Variants in ZNF385D observed in about 807,000 individuals in gnomAD.
ZNF385D encodes zinc finger protein 385D.
In ZNF385D, 15 loss-of-function variants were observed where a neutral mutation model predicts 35.8. The ratio of observed to expected loss-of-function variants is 0.42; its 90% CI spans 0.28 to 0.64. The LOEUF (loss-of-function observed/expected upper bound fraction) is 0.64, where lower values mean the gene tolerates loss of function less well. Ranked by LOEUF, ZNF385D falls within the 30% of genes least tolerant of loss-of-function variation. The probability of loss-of-function intolerance (pLI) is 0.23; values close to 1 mark genes in which losing one functional copy is unlikely to be tolerated. For missense variants in ZNF385D, 474 were observed against 494.6 expected (o/e 0.96, Z 0.39); for synonymous variants, 212 against 186.8 (o/e 1.13, Z -1.10).
intron 4 of ZNF385D, among the ~76,000 whole-genome samples, chr3:21,484,949 A>C (rs1704924734): frequency 6.6e-6 from 1 of 152,076 alleles, no homozygotes; most frequent in Non-Finnish European, 1.5e-5. Flanking sequence ...CAAACCAAAA[A>C]TGGGGAACTT....
At chr3:21,803,443 G>C (rs1022671690) in intron 3 of ZNF385D, among the ~76,000 whole-genome samples, 5 of 152,092 alleles carry the variant, frequency 3.3e-5, no homozygotes, top group Non-Finnish European at 7.4e-5. Context: ...TAAAATCAAA[G>C]TTTTAAATAA....
intron 3 of ZNF385D, among the ~76,000 whole-genome samples, chr3:22,001,079 G>T (rs1052557374): frequency 6.6e-6 from 1 of 151,806 alleles, no homozygotes; most frequent in Non-Finnish European, 1.5e-5. Flanking sequence ...GAGGAAAAAA[G>T]GAACAAAAGA....
At chr3:21,606,686 A>G (rs2064494336) in intron 2 of ZNF385D, among the ~76,000 whole-genome samples, 2 of 152,216 alleles carry the variant, frequency 1.3e-5, no homozygotes, top group Admixed American at 1.3e-4. Flanking sequence ...GGTTTGGATT[A>G]TAGGAAGCCA....
intron 3 of ZNF385D, among the ~76,000 whole-genome samples, chr3:22,133,219 A>T (rs923841412): frequency 5.9e-5 from 9 of 152,184 alleles, no homozygotes; most frequent in Non-Finnish European, 1.3e-4. Flanking sequence ...TTTGGGAAAT[A>T]CTTCGTATCT....
intron 3 of ZNF385D, among the ~76,000 whole-genome samples, chr3:22,137,930 C>G (rs1021802680): frequency 2.6e-5 from 4 of 152,234 alleles, no homozygotes; most frequent in African/African-American, 9.6e-5. Flanking sequence ...CCCATCGTCT[C>G]AGCCCAAAAT....
chr3:21,856,684 C>A (rs879347851), intron 3 of ZNF385D, among the ~76,000 whole-genome samples: 3 of 152,088 alleles, frequency 2.0e-5, no homozygotes, highest in Non-Finnish European at 2.9e-5. Context: ...AAGCCACCAT[C>A]ATCTCTTGCC....
intron 2 of ZNF385D, among the ~76,000 whole-genome samples, chr3:22,335,693 G>A (rs1210216443): frequency 6.6e-6 from 1 of 152,064 alleles, no homozygotes; most frequent in Non-Finnish European, 1.5e-5. Flanking sequence ...ATGTTTATGT[G>A]TGTCGAAGTA....
At chr3:22,099,143 C>G (rs897671055) in intron 3 of ZNF385D, among the ~76,000 whole-genome samples, 5 of 152,166 alleles carry the variant, frequency 3.3e-5, no homozygotes, top group African/African-American at 1.2e-4. Flanking sequence ...ATGAAAACAT[C>G]AATGTGACTA....
chr3:22,350,107 C>G (rs144921384), intron 2 of ZNF385D, among the ~76,000 whole-genome samples: 1 of 152,222 alleles, frequency 6.6e-6, no homozygotes, highest in African/African-American at 2.4e-5. Context: ...TCACAATGCT[C>G]AAAGCCTGGA....
intron 3 of ZNF385D, among the ~76,000 whole-genome samples, chr3:22,094,016 A>G (rs1701469382): frequency 6.6e-6 from 1 of 152,124 alleles, no homozygotes. Context: ...ATACCAATTT[A>G]ACGCTTTACA....
chr3:21,781,822 G>A (rs7647402), intron 3 of ZNF385D, among the ~76,000 whole-genome samples: 4,371 of 129,192 alleles, frequency 0.034, 190 homozygotes, highest in African/African-American at 0.11. Flanking sequence ...CTGGCCCATA[G>A]GTCAAGGTGA....
chr3:21,994,033 G>T (rs1045828558), intron 3 of ZNF385D, among the ~76,000 whole-genome samples: 4 of 152,110 alleles, frequency 2.6e-5, no homozygotes, highest in Admixed American at 1.3e-4. Flanking sequence ...ACCCTTCTAA[G>T]AATCATTTAG....
intron 5 of ZNF385D, among the ~76,000 whole-genome samples, chr3:21,431,443 A>C (rs2125218323): frequency 6.6e-6 from 1 of 152,314 alleles, no homozygotes; most frequent in East Asian, 1.9e-4. Context: ...TGATAAAAAT[A>C]TTCCATATCT....
At chr3:22,282,561 G>C (rs554527005) in intron 2 of ZNF385D, among the ~76,000 whole-genome samples, 1 of 152,082 alleles carries the variant, frequency 6.6e-6, no homozygotes, top group South Asian at 2.1e-4. Flanking sequence ...TTTTGGAGTT[G>C]ATTTCCAATT....
chr3:22,230,666 A>C (rs1452341640), intron 2 of ZNF385D, among the ~76,000 whole-genome samples: 1 of 152,212 alleles, frequency 6.6e-6, no homozygotes, highest in Non-Finnish European at 1.5e-5. Flanking sequence ...AAATGAGGGA[A>C]TCACTTAGAG....
chr3:22,032,239 C>G (rs1301051997), intron 3 of ZNF385D, among the ~76,000 whole-genome samples: 2 of 152,204 alleles, frequency 1.3e-5, no homozygotes, highest in East Asian at 3.8e-4. Flanking sequence ...TTACCCAGAT[C>G]CAAAGTGGCT....
At chr3:21,633,760 A>G (rs2065347419) in intron 2 of ZNF385D, among the ~76,000 whole-genome samples, 1 of 152,098 alleles carries the variant, frequency 6.6e-6, no homozygotes, top group South Asian at 2.1e-4. Context: ...AAAGAATAAA[A>G]CTGCCTATTT....
intron 3 of ZNF385D, among the ~76,000 whole-genome samples, chr3:21,517,040 C>G (rs190148182): frequency 1.3e-5 from 2 of 151,132 alleles, no homozygotes; most frequent in South Asian, 4.2e-4. Flanking sequence ...CAGATAAAAT[C>G]TAATATCCTA....
At chr3:21,556,104 T>C (rs866949117) in intron 3 of ZNF385D, among the ~76,000 whole-genome samples, 5 of 150,176 alleles carry the variant, frequency 3.3e-5, no homozygotes, top group Non-Finnish European at 7.4e-5. Flanking sequence ...TTAAGTTCTT[T>C]GTAGATTCTG....
Sources: allele counts gnomAD v4.1 joint callset (sites outside exome capture counted in the v4.1 genomes callset), GRCh38; gene constraint gnomAD v4.1.1; transcripts MANE v1.5; gene names NCBI Gene and HGNC (gene_info 2026-07-23, HGNC 2026-07-21).